The following LRGUK variants were observed in gnomAD, a reference collection of about 807,000 sequenced individuals.
LRGUK encodes the protein leucine rich repeats and guanylate kinase domain containing, also known as leucine-rich repeat and guanylate kinase domain-containing protein.
Under a neutral mutation model 76.0 loss-of-function variants are expected in LRGUK, and 65 were observed. That is an observed-to-expected ratio of 0.85 (90% CI 0.70 to 1.05). The LOEUF is 1.05. Among genes scored for constraint, LRGUK ranks in the 50% least tolerant of loss-of-function variants. LRGUK has a pLI of 0.00. For synonymous variants in LRGUK, 268 were observed against 265.6 expected, an observed-to-expected ratio of 1.01 and a Z score of -0.09; for missense variants, 758 against 732.8, an observed-to-expected ratio of 1.03 and a Z score of -0.40.
intron 16 of LRGUK, among the ~76,000 whole-genome samples, chr7:134,227,775 A>G (rs1474285896): frequency 2.0e-5 from 3 of 152,212 alleles, no homozygotes; most frequent in Non-Finnish European, 2.9e-5. Flanking sequence ...TTGATACCCA[A>G]TTAGACACAG....
At chr7:134,182,192 T>G (rs1009803879) in intron 10 of LRGUK, among the ~76,000 whole-genome samples, 4 of 152,256 alleles carry the variant, frequency 2.6e-5, no homozygotes, top group African/African-American at 9.6e-5. Context: ...GTTCATTCTT[T>G]CTTATTGCCA....
chr7:134,161,847 C>T (rs1014481999), intron 6 of LRGUK, among the ~76,000 whole-genome samples: 3 of 150,548 alleles, frequency 2.0e-5, no homozygotes, highest in South Asian at 2.1e-4. Flanking sequence ...CCCGCCACCA[C>T]GCCTGGCTAA....
At chr7:134,248,283 A>C (rs1802359681) in intron 17 of LRGUK, among the ~76,000 whole-genome samples, 1 of 152,210 alleles carries the variant, frequency 6.6e-6, no homozygotes, top group Non-Finnish European at 1.5e-5. Flanking sequence ...CAGAGAAACT[A>C]TGCAGTTTTA....
chr7:134,152,014 AT>A (rs1252962102), intron 5 of LRGUK, among the ~76,000 whole-genome samples: 3 of 152,050 alleles, frequency 2.0e-5, no homozygotes, highest in African/African-American at 7.2e-5. Context: ...ACTTCAACCC[AT>A]CATTATTTTG....
At chr7:134,214,423 A>G (rs1801378690), downstream of LRGUK, among the ~76,000 whole-genome samples, 2 of 152,222 alleles carry the variant, frequency 1.3e-5, no homozygotes, top group African/African-American at 2.4e-5. Context: ...GATTATCATA[A>G]GGAACTCACT....
chr7:134,276,127 G>C, the LRGUK span, among the ~76,000 whole-genome samples: 1 of 152,188 alleles, frequency 6.6e-6, no homozygotes, highest in Non-Finnish European at 1.5e-5. Flanking sequence ...AGAGGGCACT[G>C]TATGAAGGTA....
At chr7:134,241,375 A>G (rs1209376850) in intron 16 of LRGUK, among the ~76,000 whole-genome samples, 3 of 152,202 alleles carry the variant, frequency 2.0e-5, no homozygotes. Context: ...AAGCAAATGG[A>G]AAACAGAAAA....
intron 1 of LRGUK, among the ~76,000 whole-genome samples, chr7:134,135,866 C>T (rs191102710): frequency 6.6e-5 from 10 of 152,278 alleles, no homozygotes; most frequent in Admixed American, 5.9e-4. Context: ...CCGTGTTAGC[C>T]AGGATGGTCT....
chr7:134,176,068 T>C (rs1235057745), intron 8 of LRGUK, among the ~76,000 whole-genome samples: 1 of 152,156 alleles, frequency 6.6e-6, no homozygotes, highest in Non-Finnish European at 1.5e-5. Flanking sequence ...TGAGGCTTGG[T>C]AGCCTTTAGA....
chr7:134,244,950 G>A (rs1802257200), intron 16 of LRGUK, among the ~76,000 whole-genome samples: 1 of 150,940 alleles, frequency 6.6e-6, no homozygotes, highest in South Asian at 2.1e-4. Flanking sequence ...ACTATCGCAA[G>A]GACAGGAAAT....
downstream of LRGUK, among the ~76,000 whole-genome samples, chr7:134,211,512 A>G (rs931638010): frequency 2.1e-4 from 32 of 152,364 alleles, no homozygotes; most frequent in Admixed American, 2.6e-4. Context: ...AATCTTCTGT[A>G]GGGAAGAAGA....
At chr7:134,202,797 G>A (rs1428647915) in intron 15 of LRGUK, among the ~76,000 whole-genome samples, 1 of 152,208 alleles carries the variant, frequency 6.6e-6, no homozygotes, top group Non-Finnish European at 1.5e-5. Flanking sequence ...GGGAATGGGA[G>A]TGGTTTAATG....
chr7:134,128,763 A>T (rs868068197), intron 1 of LRGUK, among the ~76,000 whole-genome samples: 2 of 152,122 alleles, frequency 1.3e-5, no homozygotes, highest in South Asian at 4.2e-4. Context: ...GTTAGTCAGG[A>T]TGGTCTTCGA....
chr7:134,224,001 C>T (rs1801668903), intron 16 of LRGUK, among the ~76,000 whole-genome samples: 2 of 152,158 alleles, frequency 1.3e-5, no homozygotes, highest in African/African-American at 4.8e-5. Flanking sequence ...ACAGGTAAGG[C>T]TCCCTCTGCA....
chr7:134,199,279 G>A (rs267601300), exon 14 of LRGUK: 3 of 1,613,704 alleles, frequency 1.9e-6, no homozygotes, highest in Non-Finnish European at 2.5e-6. Flanking sequence ...TGGTGCCCAT[G>A]AACAAGGAAA....
chr7:134,211,925 G>A (rs1412794621), downstream of LRGUK, among the ~76,000 whole-genome samples: 1 of 152,152 alleles, frequency 6.6e-6, no homozygotes, highest in East Asian at 1.9e-4. Flanking sequence ...ACATAACCAG[G>A]ACTCTAGTCA....
chr7:134,251,109 C>T (rs903033431), intron 18 of LRGUK, among the ~76,000 whole-genome samples: 1 of 152,084 alleles, frequency 6.6e-6, no homozygotes, highest in Non-Finnish European at 1.5e-5. Context: ...GTCCCCCATT[C>T]CCCCAATTTC....
chr7:134,197,022 A>G (rs749370596), exon 13 of LRGUK: 5 of 1,607,516 alleles, frequency 3.1e-6, no homozygotes, highest in Admixed American at 1.7e-5. Flanking sequence ...TAGTTATGGT[A>G]ATCACAAGTA....
chr7:134,149,107 T>TA (rs149661388), intron 5 of LRGUK, among the ~76,000 whole-genome samples: 87,196 of 126,878 alleles, frequency 0.69, 25,989 homozygotes, highest in African/African-American at 0.72. Context: ...CTTTCTTTTT[T>TA]TAAAAAAAAA....
Sources: gnomAD v4.1 joint callset for allele counts (sites outside exome capture counted in the v4.1 genomes callset) on GRCh38, gnomAD v4.1.1 for gene constraint, MANE v1.5 for transcripts, NCBI Gene and HGNC (gene_info 2026-07-23, HGNC 2026-07-21) for gene names.